E2F3: variants seen among roughly 807,000 people sequenced by gnomAD.
The protein encoded by E2F3 is E2F transcription factor 3, also known as transcription factor E2F3.
Under a neutral mutation model 44.4 loss-of-function variants are expected in E2F3, and 11 were observed. That is an observed-to-expected ratio of 0.25 (90% confidence interval 0.16 to 0.41). The LOEUF (loss-of-function observed/expected upper bound fraction) is 0.41, where lower values mean the gene tolerates loss of function less well. Among genes scored for constraint, E2F3 ranks in the 10% least tolerant of loss-of-function variants. E2F3 has a pLI of 1.00. For missense variants in E2F3, 487 were observed against 583.6 expected, an observed-to-expected ratio of 0.83 and a Z score of 1.70; for synonymous variants, 249 against 253.0, an observed-to-expected ratio of 0.98 and a Z score of 0.15.
intron 1 of E2F3, among the ~76,000 whole-genome samples, chr6:20,425,318 C>T (rs1235544604): frequency 6.6e-6 from 1 of 151,560 alleles, no homozygotes; most frequent in Non-Finnish European, 1.5e-5. Flanking sequence ...GAGGAATACA[C>T]AGCCCTGGAC....
At chr6:20,444,973 C>A in intron 1 of E2F3, 1 of 613,320 alleles carries the variant, frequency 1.6e-6, no homozygotes, top group Non-Finnish European at 2.0e-6. Flanking sequence ...CTTGCACTGT[C>A]CCTGTCATAT....
intron 6 of E2F3, among the ~76,000 whole-genome samples, chr6:20,489,772 C>A (rs972210338): frequency 1.3e-5 from 2 of 151,944 alleles, no homozygotes; most frequent in African/African-American, 4.8e-5. Context: ...CCCAGGAGTT[C>A]GAGACCAGAC....
chr6:20,448,866 G>T (rs556155248), intron 1 of E2F3, among the ~76,000 whole-genome samples: 1 of 152,348 alleles, frequency 6.6e-6, no homozygotes, highest in East Asian at 1.9e-4. Context: ...GGGCTGCAAA[G>T]AAATGTAAAT....
At chr6:20,473,213 AAAAT>A (rs1403124099) in intron 1 of E2F3, among the ~76,000 whole-genome samples, 1 of 152,240 alleles carries the variant, frequency 6.6e-6, no homozygotes, top group African/African-American at 2.4e-5. Flanking sequence ...AATCAGGAAT[AAAAT>A]AAAGTGTGTC....
chr6:20,450,080 T>TGA (rs939608881), intron 1 of E2F3, among the ~76,000 whole-genome samples: 2 of 152,202 alleles, frequency 1.3e-5, no homozygotes, highest in Non-Finnish European at 2.9e-5. Flanking sequence ...GCAGTGAACA[T>TGA]ACGGTATGCA....
intron 4 of E2F3, among the ~76,000 whole-genome samples, chr6:20,483,883 T>A (rs1009315961): frequency 6.6e-6 from 1 of 152,244 alleles, no homozygotes; most frequent in African/African-American, 2.4e-5. Context: ...CCTTGGAGAA[T>A]ATGGAGATAT....
chr6:20,425,109 G>C (rs1760169444), intron 1 of E2F3, among the ~76,000 whole-genome samples: 1 of 152,174 alleles, frequency 6.6e-6, no homozygotes, highest in Admixed American at 6.5e-5. Context: ...TATCCATTGG[G>C]GCAGCAAGAG....
rs551147614 is a variant in E2F3 at position 20,481,161 on chromosome 6, C to T, written c.506-45C>T. The T allele has an allele frequency of 7.7e-5, 122 of 1,582,018 alleles. 1 individual carries two copies. The South Asian group carries it at 1.3e-3, about 17-fold the overall frequency. On this transcript the variant is annotated intron_variant, in intron 2 of 6. Coordinates refer to ENST00000346618, the MANE Select transcript of E2F3 (RefSeq NM_001949.5). Reference sequence around the variant, plus strand: ...GCAAAGACACCCTTCATTTCTTTACCTTTCCCCCTATCCCCCACCCGCTCG... The same window carrying T: ...GCAAAGACACCCTTCATTTCTTTACTTTTCCCCCTATCCCCCACCCGCTCG...
intron 4 of E2F3, 125 bp downstream of exon 4, chr6:20,483,045 CTGTG>C (rs900133959): frequency 5.0e-5 from 71 of 1,412,152 alleles, no homozygotes; most frequent in Non-Finnish European, 6.6e-5. Context: ...ACCTGTGTGC[CTGTG>C]TGTGTATGTG....
intron 4 of E2F3, among the ~76,000 whole-genome samples, chr6:20,485,973 T>C (rs1319322720): frequency 6.6e-6 from 1 of 152,172 alleles, no homozygotes; most frequent in Non-Finnish European, 1.5e-5. Context: ...CATTTTTTTT[T>C]CCTGCAAATT....
At chr6:20,415,366 C>T (rs1420936167) in intron 1 of E2F3, among the ~76,000 whole-genome samples, 2 of 152,290 alleles carry the variant, frequency 1.3e-5, no homozygotes, top group East Asian at 3.9e-4. Flanking sequence ...AGGACTTCAG[C>T]GCTCTTAACA....
intron 1 of E2F3, among the ~76,000 whole-genome samples, chr6:20,434,831 A>G (rs1008865314): frequency 6.6e-6 from 1 of 152,206 alleles, no homozygotes; most frequent in Non-Finnish European, 1.5e-5. Context: ...GGCAGTACTA[A>G]GCAGAATCAG....
intron 3 of E2F3, among the ~76,000 whole-genome samples, chr6:20,482,289 A>G (rs1021788067): frequency 2.8e-5 from 4 of 143,124 alleles, no homozygotes; most frequent in Admixed American, 2.8e-4. Context: ...TTGATATAAG[A>G]CCCTCAGTAA....
Position 20,402,690 on chromosome 6 carries a change from G to C in E2F3, c.393+65G>C. 1 of 1,276,144 alleles carries C rather than the reference G, an allele frequency of 7.8e-7. No individual in the cohort carries two copies. Among genetic ancestry groups the C allele is most frequent in the Non-Finnish European group, 9.9e-7 (1 of 1,014,808 alleles). The allele number at this position is 1,276,144 out of a possible 1,614,324, so 79.1% of individuals were successfully genotyped here. On this transcript the variant is annotated intron_variant, in intron 1 of 6. Transcript: ENST00000346618. This position sits in a 1 kb window ranked among gnomAD's most constrained non-coding sequence, Gnocchi z 5.6. The stretch of plus-strand genomic sequence containing the variant: ...AGGTGGGCTCGCACCGCGCGGGGTC[G>C]TGGGCGCGCTGCGGGCCGCTCGGGG...
chr6:20,481,735 C>T (rs1762231560), intron 3 of E2F3, among the ~76,000 whole-genome samples: 1 of 152,122 alleles, frequency 6.6e-6, no homozygotes. Flanking sequence ...ACATAGATGT[C>T]TGTGTGCACC....
chr6:20,464,406 T>A (rs1477654599), intron 1 of E2F3, among the ~76,000 whole-genome samples: 3 of 152,148 alleles, frequency 2.0e-5, no homozygotes, highest in Admixed American at 2.0e-4. Flanking sequence ...GGTAGCATGA[T>A]CTCTTATAAA....
intron 1 of E2F3, among the ~76,000 whole-genome samples, chr6:20,479,136 T>C (rs925427227): frequency 2.0e-5 from 3 of 152,208 alleles, no homozygotes; most frequent in Non-Finnish European, 4.4e-5. Flanking sequence ...AAAGTAATAG[T>C]GGTTGAAGCC....
At chr6:20,448,464 T>TACAC (rs376381617) in intron 1 of E2F3, among the ~76,000 whole-genome samples, 10 of 150,612 alleles carry the variant, frequency 6.6e-5, no homozygotes, top group African/African-American at 1.2e-4. Flanking sequence ...TGTATATGTA[T>TACAC]ACACACACAC....
At chr6:20,448,184 C>G (rs986532543) in intron 1 of E2F3, among the ~76,000 whole-genome samples, 4 of 152,140 alleles carry the variant, frequency 2.6e-5, no homozygotes, top group Non-Finnish European at 5.9e-5. Flanking sequence ...GTAGTGGGCT[C>G]TTTTTGGTTT....
Sources: gnomAD v4.1 joint callset for allele counts (sites outside exome capture counted in the v4.1 genomes callset) on GRCh38, gnomAD v4.1.1 for gene constraint, Gnocchi (gnomAD v3.1) non-coding constraint, MANE v1.5 for transcripts, NCBI Gene and HGNC (gene_info 2026-07-23, HGNC 2026-07-21) for gene names.